Variants in MAP4 observed in about 807,000 individuals in gnomAD.
MAP4 encodes the protein microtubule-associated protein 4.
In MAP4, 76 loss-of-function variants were observed where a neutral mutation model predicts 170.2. The observed-to-expected ratio is 0.45, with a 90% confidence interval of 0.37 to 0.54. MAP4 has a LOEUF of 0.54. MAP4 is among the 20% of genes least tolerant of loss of function. The pLI, the probability that MAP4 is intolerant of heterozygous loss-of-function variation, is 0.00. For synonymous variants in MAP4, 909 were observed against 994.5 expected, an observed-to-expected ratio of 0.91 and a Z score of 1.62; for missense variants, 2,506 against 2,748.0, an observed-to-expected ratio of 0.91 and a Z score of 1.97.
At position 47,880,756 on chromosome 3, in the gene MAP4, C is replaced by T. The variant is rs552534500; in HGVS notation, c.5435-3233G>A. 9.8e-5 allele frequency among the ~76,000 whole-genome samples: 15 copies of T among 152,302 alleles called. 1 individual carries two copies. In the South Asian group the frequency reaches 3.1e-3, roughly 32 times the overall value. ...GGGATTATAGGCACAAACCACCATG[C>T]CCCATCATAATTTCAATCTTTTAAA... On this transcript the variant is annotated intron_variant, in intron 10 of 20. Coordinates refer to ENST00000683076, the MANE Select transcript of MAP4 (RefSeq NM_001385682.1).
intron 3 of MAP4, among the ~76,000 whole-genome samples, chr3:47,976,729 T>C (rs138327159): frequency 2.6e-4 from 39 of 152,376 alleles, no homozygotes; most frequent in African/African-American, 9.1e-4. Flanking sequence ...TGGTTGTTTC[T>C]AGCTTCTAAA....
intron 4 of MAP4, among the ~76,000 whole-genome samples, chr3:47,923,227 C>T (rs1338569600): frequency 6.6e-6 from 1 of 151,910 alleles, no homozygotes; most frequent in African/African-American, 2.4e-5. Context: ...TAACACATCA[C>T]TCCCTTAAGA....
chr3:47,879,581 C>A (rs922794338), intron 10 of MAP4, among the ~76,000 whole-genome samples: 1 of 152,120 alleles, frequency 6.6e-6, no homozygotes, highest in African/African-American at 2.4e-5. Flanking sequence ...ACCCACAGAG[C>A]CTACTCAGAT....
At chr3:48,056,664 T>TG (rs1445272117) in intron 1 of MAP4, among the ~76,000 whole-genome samples, 52 of 90,408 alleles carry the variant, frequency 5.8e-4, no homozygotes, top group Non-Finnish European at 8.8e-4. Flanking sequence ...GGGAGGGAGG[T>TG]GGGGGGGTCA....
At chr3:48,048,639 C>T (rs1214220323) in intron 1 of MAP4, among the ~76,000 whole-genome samples, 3 of 150,774 alleles carry the variant, frequency 2.0e-5, no homozygotes, top group Non-Finnish European at 4.4e-5. Context: ...ACCTCAGCCT[C>T]CAGAGTAGCT....
chr3:47,949,222 T>C (rs1372318884), intron 3 of MAP4, among the ~76,000 whole-genome samples: 2 of 151,816 alleles, frequency 1.3e-5, no homozygotes, highest in East Asian at 1.9e-4. Flanking sequence ...TCCCAGCACT[T>C]TGGGAGCCTG....
rs904306178 is a variant in MAP4, at chr3:47,909,404, T to C, written c.5017A>G (p.Ile1673Val). ...TCCGTGATTTTACAAGCCAGACTAA[T>C]TTCTTTCAATTTATCATTTTCACTT... ...PKSENDKLKE[I>V]SLACKITELE... Residue 1673 changes from isoleucine to valine, a missense_variant, in exon 9 of 21, where the codon ATT becomes GTT. By Grantham distance (29) the Ile-to-Val change is conservative. Around this residue, in one of 3 missense-constraint regions of MAP4, gnomAD observed 2,008 missense variants for 2,206.0 expected, o/e 0.91. Transcript: ENST00000683076. The C allele has an allele frequency of 6.2e-7, 1 of 1,613,708 alleles. No individual in the cohort carries two copies. The highest frequency in any genetic ancestry group is 8.5e-7 in the Non-Finnish European group (1 of 1,179,662).
intron 1 of MAP4, among the ~76,000 whole-genome samples, chr3:48,084,269 A>G (rs2100147998): frequency 6.6e-6 from 1 of 151,106 alleles, no homozygotes; most frequent in African/African-American, 2.4e-5. Context: ...GTGATGGTGC[A>G]CATACACAGT....
chr3:48,031,981 C>T (rs1055516813), intron 1 of MAP4, among the ~76,000 whole-genome samples: 4 of 151,990 alleles, frequency 2.6e-5, no homozygotes, highest in Non-Finnish European at 4.4e-5. Flanking sequence ...TGGCACTTTA[C>T]CTCTGTGATC....
At chr3:47,891,811 C>A in intron 10 of MAP4, 1 of 1,536,328 alleles carries the variant, frequency 6.5e-7, no homozygotes, top group Non-Finnish European at 8.7e-7. Flanking sequence ...ACTCACACTT[C>A]AGCTGCTCAG....
At chr3:47,869,126 A>C (rs756905703) in intron 16 of MAP4, 88 bp downstream of exon 16, 1 of 1,021,244 alleles carries the variant, frequency 9.8e-7, no homozygotes, top group East Asian at 2.4e-5. Flanking sequence ...AGGGAAAGGG[A>C]AAAAGTGCAA....
chr3:48,008,146 C>T (rs189748377), intron 1 of MAP4, among the ~76,000 whole-genome samples: 22 of 152,260 alleles, frequency 1.4e-4, no homozygotes, highest in African/African-American at 3.6e-4. Flanking sequence ...GTGGTATATA[C>T]GTGATCGGGC....
At chr3:47,880,426 T>C (rs1219923129) in intron 10 of MAP4, among the ~76,000 whole-genome samples, 2 of 151,190 alleles carry the variant, frequency 1.3e-5, no homozygotes, top group South Asian at 2.1e-4. Flanking sequence ...CTTTTGATTA[T>C]TGCACTAACC....
At chr3:48,019,101 G>A (rs1042742566), upstream of MAP4, among the ~76,000 whole-genome samples, 2 of 152,178 alleles carry the variant, frequency 1.3e-5, no homozygotes, top group African/African-American at 4.8e-5. Context: ...ACTCTGGGAG[G>A]CCAAAGCAGG....
intron 3 of MAP4, among the ~76,000 whole-genome samples, chr3:47,971,155 C>G (rs1016855557): frequency 2.0e-5 from 3 of 152,200 alleles, no homozygotes; most frequent in African/African-American, 7.2e-5. Context: ...GCATGCAACT[C>G]ATTAACTGGA....
intron 5 of MAP4, among the ~76,000 whole-genome samples, chr3:47,921,385 A>C (rs1470472277): frequency 6.6e-6 from 1 of 152,202 alleles, no homozygotes; most frequent in East Asian, 1.9e-4. Flanking sequence ...GCTGAAGGCT[A>C]TTATTAGCCT....
chr3:48,071,357 C>T (rs1322522027), intron 1 of MAP4, among the ~76,000 whole-genome samples: 2 of 151,606 alleles, frequency 1.3e-5, no homozygotes, highest in African/African-American at 4.8e-5. Context: ...GCCTGGGCAA[C>T]ATAGTGAAAC....
chr3:48,071,503 G>A (rs2100141019), intron 1 of MAP4, among the ~76,000 whole-genome samples: 1 of 152,068 alleles, frequency 6.6e-6, no homozygotes, highest in Non-Finnish European at 1.5e-5. Context: ...GAGCCATGAT[G>A]CCAAACCACA....
In MAP4 at chr3:47,950,341, C is replaced by T. The variant is rs547693336; in HGVS notation, c.293-21991G>A. Among the ~76,000 whole-genome samples, 186 of 152,212 alleles carry T rather than the reference C, an allele frequency of 1.2e-3. 1 individual carries two copies. Among genetic ancestry groups the T allele is most frequent in the Admixed American group, 2.8e-3 (43 of 15,286 alleles). On this transcript the variant is annotated intron_variant, in intron 3 of 20. Transcript: ENST00000683076. The stretch of plus-strand genomic sequence containing the variant: ...CAAAAAGTAGGGTGATCTCAGAGGA[C>T]GGACTTAAAAACATGGGATTTAGAA...
Sources: allele counts gnomAD v4.1 joint callset (sites outside exome capture counted in the v4.1 genomes callset), GRCh38; gene constraint gnomAD v4.1.1; regional missense constraint gnomAD v4.1.1; transcripts MANE v1.5; gene names NCBI Gene and HGNC (gene_info 2026-07-23, HGNC 2026-07-21).